Variants in CACNA1A observed in about 807,000 individuals in gnomAD.
CACNA1A encodes the protein calcium voltage-gated channel subunit alpha1 A.
CACNA1A carries 57 observed loss-of-function variants against 262.4 expected under a neutral mutation model. The observed-to-expected ratio is 0.22, with a 90% CI of 0.18 to 0.27. The LOEUF is 0.27. CACNA1A is among the 10% of genes least tolerant of loss of function. The pLI is 1.00. For missense variants in CACNA1A, 2,526 were observed against 3,562.8 expected (o/e 0.71, Z 7.41); for synonymous variants, 1,431 against 1,419.3 (o/e 1.01, Z -0.18).
chr19:13,312,209 C>A (rs933523352), intron 12 of CACNA1A, among the ~76,000 whole-genome samples: 2 of 152,126 alleles, frequency 1.3e-5, no homozygotes, highest in Non-Finnish European at 2.9e-5. Context: ...CTGAGTAATT[C>A]ACAAAATAAC....
At chr19:13,497,413 G>A (rs555726472) in intron 1 of CACNA1A, among the ~76,000 whole-genome samples, 6 of 135,122 alleles carry the variant, frequency 4.4e-5, no homozygotes, top group Non-Finnish European at 4.6e-5. Context: ...GCTTGAACCC[G>A]GGAGGCGGAG....
rs1600095105 is a variant in CACNA1A, at chr19:13,214,985, A to C, written c.5732-377T>G. On this transcript the variant is annotated intron_variant, in intron 38 of 46. Transcript: ENST00000360228. This position sits in a 1 kb window ranked among gnomAD's most constrained non-coding sequence, Gnocchi z 4.1. ...AGATGATAGCAAGAGTACTTGCCTCACCTGGTTGTTGTGTGTGTGTGTGTG... is the reference window on the plus strand; with the variant it reads ...AGATGATAGCAAGAGTACTTGCCTCCCCTGGTTGTTGTGTGTGTGTGTGTG... 1 of 188,896 alleles carries C rather than the reference A, an allele frequency of 5.3e-6. No homozygotes were observed. The highest frequency in any genetic ancestry group is 1.1e-5 in the Non-Finnish European group (1 of 92,990). The allele number at this position is 188,896 out of a possible 1,614,324, so 11.7% of individuals were successfully genotyped here. A position where few individuals can be genotyped will look rare whatever the true frequency, so the allele number is the denominator to read the frequency against.
chr19:13,234,885 C>T (rs375339512), intron 34 of CACNA1A, 36 bp downstream of exon 34: 38 of 1,454,884 alleles, frequency 2.6e-5, no homozygotes, highest in East Asian at 6.8e-5. Flanking sequence ...CCCCACCCCA[C>T]GGAAACAGAA....
At chr19:13,300,462 A>G (rs1323843520) in intron 18 of CACNA1A, 88 bp downstream of exon 18, 2 of 886,038 alleles carry the variant, frequency 2.3e-6, no homozygotes, top group Non-Finnish European at 3.8e-6. Flanking sequence ...TCTGTCAAGG[A>G]CCACCCCCAC....
chr19:13,486,019 T>C (rs1439787545), intron 1 of CACNA1A, among the ~76,000 whole-genome samples: 1 of 152,146 alleles, frequency 6.6e-6, no homozygotes. Context: ...ACAATGAGGA[T>C]GAAATCTCAC....
chr19:13,212,947 G>A lies in CACNA1A; in HGVS notation c.5941-207C>T, dbSNP rs1254268164. On this transcript the variant is annotated intron_variant, in intron 40 of 46. Transcript: ENST00000360228. This position sits in a 1 kb window ranked among gnomAD's most constrained non-coding sequence, Gnocchi z 5.6. Reference sequence around the variant, plus strand: ...AGTCATAGCCCCAGCCTGGTCCCACGTCCTCATCTCTCACTGCAGGCACCT... The same window carrying A: ...AGTCATAGCCCCAGCCTGGTCCCACATCCTCATCTCTCACTGCAGGCACCT... Among the ~76,000 whole-genome samples, 4 of 151,896 alleles carry A rather than the reference G, an allele frequency of 2.6e-5. No homozygotes were observed. The highest frequency in any genetic ancestry group is 5.9e-5 in the Non-Finnish European group (4 of 67,984).
chr19:13,472,109 C>T (rs1349976079), intron 1 of CACNA1A, among the ~76,000 whole-genome samples: 1 of 151,826 alleles, frequency 6.6e-6, no homozygotes, highest in African/African-American at 2.4e-5. Flanking sequence ...ACTACAGGTG[C>T]ACACTATCAC....
Position 13,299,290 on chromosome 19 carries a change from C to A in CACNA1A, c.2343G>T (p.Met781Ile). The A allele has an allele frequency of 6.2e-7, 1 of 1,603,440 alleles. No individual in the cohort carries two copies. The highest frequency in any genetic ancestry group is 1.1e-5 in the South Asian group (1 of 91,086). ...KSVWEQRTSEMRKQNLLASRE... is the reference protein window; with the variant it reads ...KSVWEQRTSEIRKQNLLASRE... ...GGCTGGCCAGCAAGTTCTGCTTTCG[C>A]ATCTCACTGGTCCGCTGCTCCCACA... is the stretch of plus-strand genomic sequence containing the variant. Residue 781 changes from methionine to isoleucine, a missense_variant, in exon 19 of 47, where the codon ATG (methionine) becomes ATT (isoleucine). This residue lies in a region of CACNA1A where 765 missense variants were observed against 748.6 expected (regional missense o/e 1.02). Coordinates refer to ENST00000360228, the MANE Select transcript of CACNA1A (RefSeq NM_001127222.2).
intron 30 of CACNA1A, among the ~76,000 whole-genome samples, chr19:13,248,608 C>T (rs538010029): frequency 9.2e-5 from 14 of 151,750 alleles, no homozygotes; most frequent in African/African-American, 1.5e-4. Flanking sequence ...TTTGGGAGGC[C>T]GAGGCAGGCG....
chr19:13,342,294 G>A (rs1004346422), intron 6 of CACNA1A, among the ~76,000 whole-genome samples: 2 of 152,142 alleles, frequency 1.3e-5, no homozygotes, highest in Non-Finnish European at 2.9e-5. Context: ...TGCCATGGCT[G>A]TTCTGTGGTA....
chr19:13,358,031 C>A (rs2059037807), intron 6 of CACNA1A, among the ~76,000 whole-genome samples: 1 of 151,978 alleles, frequency 6.6e-6, no homozygotes, highest in African/African-American at 2.4e-5. Flanking sequence ...AAAAATCTTC[C>A]CCAAAAATAA....
chr19:13,282,440 G>A (rs1452348359), intron 22 of CACNA1A, among the ~76,000 whole-genome samples: 1 of 152,056 alleles, frequency 6.6e-6, no homozygotes, highest in Non-Finnish European at 1.5e-5. Flanking sequence ...CTTGCCTGTT[G>A]GTGCCTCGGT....
At chr19:13,225,620 G>C (rs1469524716) in intron 37 of CACNA1A, 1 of 152,112 alleles carries the variant, frequency 6.6e-6, no homozygotes, top group Non-Finnish European at 1.5e-5. Flanking sequence ...GGGGGGTGAG[G>C]GCAACTTGGG....
intron 3 of CACNA1A, among the ~76,000 whole-genome samples, chr19:13,427,082 G>A (rs1289221991): frequency 6.6e-6 from 1 of 152,144 alleles, no homozygotes; most frequent in Admixed American, 6.6e-5. Context: ...ATGGCCCACA[G>A]TTCATAGTCA....
Position 13,316,767 on chromosome 19 carries a change from ATGTTTC to A in CACNA1A, c.1555+339_1555+344del, listed in dbSNP as rs1235516522. 8 of 193,646 alleles carry A rather than the reference ATGTTTC, an allele frequency of 4.1e-5. No homozygotes were observed. In the East Asian group the frequency reaches 7.5e-4, roughly 18 times the overall value. 12.0% of individuals were successfully genotyped at this position (193,646 alleles called of 1,614,324 possible). On this transcript the variant is annotated intron_variant, in intron 11 of 46. Coordinates refer to ENST00000360228, the MANE Select transcript of CACNA1A (RefSeq NM_001127222.2). ...GTACATAAAAATTATTAATACATGT[ATGTTTC>A]TGTTTCTATCTGTCTATCTTATGAG...
At chr19:13,469,458 CTCT>C (rs1315519773) in intron 1 of CACNA1A, among the ~76,000 whole-genome samples, 3,701 of 133,636 alleles carry the variant, frequency 0.028, 209 homozygotes, top group African/African-American at 0.053. Flanking sequence ...CTTGAACCAC[CTCT>C]TTTTTTTTTT....
intron 7 of CACNA1A, among the ~76,000 whole-genome samples, chr19:13,335,307 C>T (rs2058544707): frequency 6.6e-6 from 1 of 152,136 alleles, no homozygotes; most frequent in Non-Finnish European, 1.5e-5. Context: ...CATCTTAAGA[C>T]CATGAGGTAT....
chr19:13,344,221 C>CAAAA lies in CACNA1A; in HGVS notation c.979-8316_979-8313dup, dbSNP rs35162704. On this transcript the variant is annotated intron_variant, in intron 6 of 46. Coordinates refer to ENST00000360228, the MANE Select transcript of CACNA1A (RefSeq NM_001127222.2). The stretch of plus-strand genomic sequence containing the variant: ...ACAGTGAGACTCTGTCTCAAAAAAG[C>CAAAA]AAAAAAAAAAAAAAAAAATTACAAA... Among the ~76,000 whole-genome samples the CAAAA allele has an allele frequency of 2.5e-4, 30 of 121,316 alleles. 1 individual carries two copies. The highest frequency in any genetic ancestry group is 6.3e-4 in the African/African-American group (20 of 31,560). 79.6% of individuals were successfully genotyped at this position (121,316 alleles called of 152,430 possible). A position where few individuals can be genotyped will look rare whatever the true frequency, so the allele number is the denominator to read the frequency against.
Position 13,253,090 on chromosome 19 carries a change from A to C in CACNA1A, c.4767T>G (p.Ala1589=). The change falls in exon 30 of 47, where the codon GCT becomes GCG. Residue 1589 remains alanine (A), a synonymous_variant. Transcript: ENST00000360228. ...TIVLMMKFYG[A]SVAYENALRV... ...GCAGGGCATTTTCATAAGCAACAGA[A>C]GCCCCATAGAACTAGGGGAAAGAAG... is the stretch of plus-strand genomic sequence containing the variant. 6.2e-7 allele frequency: 1 copy of C among 1,611,384 alleles called. No individual in the cohort carries two copies. The highest frequency in any genetic ancestry group is 2.2e-5 in the East Asian group (1 of 44,866).
Sources: gnomAD v4.1 joint callset for allele counts (sites outside exome capture counted in the v4.1 genomes callset) on GRCh38, gnomAD v4.1.1 for gene constraint, gnomAD v4.1.1 regional missense constraint, Gnocchi (gnomAD v3.1) non-coding constraint, MANE v1.5 for transcripts, NCBI Gene and HGNC (gene_info 2026-07-23, HGNC 2026-07-21) for gene names.